The following NRXN1 variants were observed in gnomAD, a reference collection of about 807,000 sequenced individuals.
NRXN1 encodes neurexin-1.
A neutral mutation model predicts 150.9 loss-of-function variants in NRXN1; 39 were observed. The observed-to-expected ratio is 0.26, with a 90% confidence interval of 0.20 to 0.34. NRXN1 has a LOEUF of 0.34. Ranked by LOEUF, NRXN1 falls within the 10% of genes least tolerant of loss-of-function variation. The pLI is 1.00. For missense variants in NRXN1, 1,815 were observed against 1,949.9 expected, an observed-to-expected ratio of 0.93 and a Z score of 1.30; for synonymous variants, 924 against 757.0, an observed-to-expected ratio of 1.22 and a Z score of -3.62.
At chr2:50,150,038 A>G (rs918737631) in intron 18 of NRXN1, among the ~76,000 whole-genome samples, 1 of 151,364 alleles carries the variant, frequency 6.6e-6, no homozygotes. Context: ...TATATTTCTT[A>G]TTTTTTTTCC....
At chr2:50,330,589 A>C (rs1369065739) in intron 17 of NRXN1, among the ~76,000 whole-genome samples, 1 of 152,232 alleles carries the variant, frequency 6.6e-6, no homozygotes, top group Non-Finnish European at 1.5e-5. Flanking sequence ...CAGTAGTATA[A>C]ATTAAGCAAG....
At chr2:50,429,414 G>C (rs961027763) in intron 17 of NRXN1, among the ~76,000 whole-genome samples, 1 of 151,920 alleles carries the variant, frequency 6.6e-6, no homozygotes, top group East Asian at 1.9e-4. Flanking sequence ...ATGCCATCAC[G>C]CCTGGCTAAT....
chr2:50,711,980 T>C (rs565875159), intron 5 of NRXN1, among the ~76,000 whole-genome samples: 12 of 152,252 alleles, frequency 7.9e-5, no homozygotes, highest in African/African-American at 2.4e-4. Context: ...TAATTTTCTG[T>C]TCATATAAAT....
intron 21 of NRXN1, among the ~76,000 whole-genome samples, chr2:49,956,648 AT>A (rs1210270867): frequency 1.3e-5 from 2 of 152,188 alleles, no homozygotes; most frequent in Non-Finnish European, 2.9e-5. Flanking sequence ...CCTTAGGTCC[AT>A]GTATAAATTT....
chr2:50,274,261 C>T (rs2070116089), intron 17 of NRXN1, among the ~76,000 whole-genome samples: 1 of 152,056 alleles, frequency 6.6e-6, no homozygotes, highest in South Asian at 2.1e-4. Flanking sequence ...TCATTCTCAG[C>T]TAACTAACAT....
intron 8 of NRXN1, among the ~76,000 whole-genome samples, chr2:50,584,806 T>C (rs373107487): frequency 6.6e-6 from 1 of 152,158 alleles, no homozygotes; most frequent in African/African-American, 2.4e-5. Flanking sequence ...GATGGAAATA[T>C]GAGAGTTCAC....
At chr2:50,968,143 G>A (rs1277788176) in intron 2 of NRXN1, among the ~76,000 whole-genome samples, 4 of 152,046 alleles carry the variant, frequency 2.6e-5, no homozygotes, top group African/African-American at 7.2e-5. Flanking sequence ...AAACTTTTCA[G>A]AAAGTTTGGT....
chr2:50,532,561 GT>G (rs2093145947), intron 10 of NRXN1, among the ~76,000 whole-genome samples: 27 of 152,116 alleles, frequency 1.8e-4, no homozygotes, highest in Admixed American at 1.2e-3. Context: ...TAGAAGGGGA[GT>G]AACTTTAAAT....
chr2:50,051,977 A>C (rs901955930), intron 21 of NRXN1, among the ~76,000 whole-genome samples: 10 of 152,044 alleles, frequency 6.6e-5, no homozygotes, highest in African/African-American at 2.4e-4. Flanking sequence ...ACTACATTTA[A>C]TTTGCATTTT....
At position 49,928,128 on chromosome 2, in the gene NRXN1, T is replaced by TAA. The variant is rs1227240097; in HGVS notation, c.4217-5879_4217-5878dup. On this transcript the variant is annotated intron_variant, in intron 22 of 22. Transcript: ENST00000401669. ...ATAAAGAAAAAAACATGCTAGTGGT[T>TAA]AAAAAAAAAAACATAGGCTATATAT... 3.6e-4 allele frequency among the ~76,000 whole-genome samples: 52 copies of TAA among 145,306 alleles called. No homozygotes were observed. The Middle Eastern group carries it at 0.014, about 39-fold the overall frequency.
rs146609152 is a variant in NRXN1 at position 50,582,197 on chromosome 2, T to C, written c.1321-29172A>G. 3.3e-5 allele frequency among the ~76,000 whole-genome samples: 5 copies of C among 152,246 alleles called. No homozygotes were observed. In the East Asian group the frequency reaches 9.7e-4, roughly 29 times the overall value. Reference sequence around the variant, plus strand: ...GCTTTGATTTGAAATATTAGTTTAATAGATGGCTAACATCTTTCAGATCCT... The same window carrying C: ...GCTTTGATTTGAAATATTAGTTTAACAGATGGCTAACATCTTTCAGATCCT... On this transcript the variant is annotated intron_variant, in intron 8 of 22. Coordinates refer to ENST00000401669, the MANE Select transcript of NRXN1 (RefSeq NM_001330078.2).
intron 21 of NRXN1, among the ~76,000 whole-genome samples, chr2:50,033,437 G>A (rs1434840100): frequency 6.6e-6 from 1 of 151,902 alleles, no homozygotes; most frequent in Non-Finnish European, 1.5e-5. Flanking sequence ...AAGAAGATTG[G>A]AACTGGACCC....
At chr2:50,833,971 T>A (rs978150629) in intron 5 of NRXN1, among the ~76,000 whole-genome samples, 23 of 152,186 alleles carry the variant, frequency 1.5e-4, no homozygotes, top group African/African-American at 5.3e-4. Flanking sequence ...AAAAATTACA[T>A]AAAAACAAAT....
chr2:50,082,286 C>G (rs1391218782), intron 19 of NRXN1, among the ~76,000 whole-genome samples: 3 of 152,198 alleles, frequency 2.0e-5, no homozygotes, highest in Non-Finnish European at 4.4e-5. Flanking sequence ...TATTTAAAAT[C>G]ATGATAATGC....
At chr2:50,432,079 A>T (rs907238667) in intron 17 of NRXN1, among the ~76,000 whole-genome samples, 1 of 152,184 alleles carries the variant, frequency 6.6e-6, no homozygotes, top group African/African-American at 2.4e-5. Context: ...GTTAGCTAGC[A>T]ATTTGCGGAG....
At chr2:50,933,375 T>C (rs777713142) in intron 2 of NRXN1, among the ~76,000 whole-genome samples, 3 of 152,080 alleles carry the variant, frequency 2.0e-5, no homozygotes, top group Non-Finnish European at 2.9e-5. Flanking sequence ...AAAATGCAAA[T>C]TTGGTAAAAA....
intron 17 of NRXN1, among the ~76,000 whole-genome samples, chr2:50,360,300 G>T (rs549222498): frequency 1.3e-5 from 2 of 152,148 alleles, no homozygotes; most frequent in African/African-American, 4.8e-5. Flanking sequence ...TGCCCAAATC[G>T]AAAGGCAAGA....
At chr2:50,227,807 T>C (rs1393412870) in intron 18 of NRXN1, among the ~76,000 whole-genome samples, 1 of 152,072 alleles carries the variant, frequency 6.6e-6, no homozygotes, top group Non-Finnish European at 1.5e-5. Flanking sequence ...AAAATTGCTG[T>C]TCAGTAGGCA....
intron 2 of NRXN1, among the ~76,000 whole-genome samples, chr2:50,931,025 T>G (rs939517631): frequency 6.6e-6 from 1 of 152,076 alleles, no homozygotes; most frequent in African/African-American, 2.4e-5. Context: ...ACCCTTCTAG[T>G]GGTTATGTGG....
Sources: gnomAD v4.1 joint callset for allele counts (sites outside exome capture counted in the v4.1 genomes callset) on GRCh38, gnomAD v4.1.1 for gene constraint, MANE v1.5 for transcripts, NCBI Gene and HGNC (gene_info 2026-07-23, HGNC 2026-07-21) for gene names.